TNFSF4: variants seen among roughly 807,000 people sequenced by gnomAD.
The protein encoded by TNFSF4 is TNF superfamily member 4, also known as tumor necrosis factor ligand superfamily member 4.
Under a neutral mutation model 7.3 loss-of-function variants are expected in TNFSF4, and 4 were observed. The observed-to-expected ratio is 0.55, with a 90% confidence interval of 0.27 to 1.25. The LOEUF is 1.25. Among genes scored for constraint, TNFSF4 ranks in the 50% most tolerant of loss-of-function variants. TNFSF4 has a pLI of 0.12. For synonymous variants in TNFSF4, 76 were observed against 83.7 expected (o/e 0.91, Z 0.50); for missense variants, 181 against 208.8 (o/e 0.87, Z 0.82).
At chr1:173,266,254 A>C in the TNFSF4 span, among the ~76,000 whole-genome samples, 1 of 152,184 alleles carries the variant, frequency 6.6e-6, no homozygotes, top group Admixed American at 6.5e-5. Flanking sequence ...TATCAAAGAG[A>C]GTAGAAACAG....
At chr1:173,267,431 A>T in the TNFSF4 span, among the ~76,000 whole-genome samples, 1 of 152,220 alleles carries the variant, frequency 6.6e-6, no homozygotes, top group Non-Finnish European at 1.5e-5. Context: ...CAATTTGCAT[A>T]CCAGTAGGTC....
At chr1:173,221,826 A>G in the TNFSF4 span, among the ~76,000 whole-genome samples, 5 of 152,224 alleles carry the variant, frequency 3.3e-5, no homozygotes, top group Admixed American at 2.6e-4. Context: ...TTTACACAGT[A>G]GCATAGAGGT....
the TNFSF4 span, among the ~76,000 whole-genome samples, chr1:173,175,951 GT>G: frequency 1.3e-5 from 2 of 151,824 alleles, no homozygotes; most frequent in East Asian, 1.9e-4. Flanking sequence ...GTTTTTTTGT[GT>G]TTTTTTTCCT....
the TNFSF4 span, among the ~76,000 whole-genome samples, chr1:173,442,545 G>GTTTTTTTTTTTT: frequency 8.6e-5 from 8 of 93,448 alleles, no homozygotes; most frequent in African/African-American, 1.1e-4. Context: ...TTTCGTTTTT[G>GTTTTTTTTTTTT]TTTTTGTTTT....
the TNFSF4 span, among the ~76,000 whole-genome samples, chr1:173,311,444 A>G: frequency 2.0e-5 from 3 of 152,014 alleles, no homozygotes; most frequent in African/African-American, 2.4e-5. Context: ...CCACTACCCT[A>G]GGGCTGTGAG....
chr1:173,376,192 C>A, the TNFSF4 span, among the ~76,000 whole-genome samples: 3 of 152,196 alleles, frequency 2.0e-5, no homozygotes, highest in Non-Finnish European at 4.4e-5. Flanking sequence ...GACTTGGAAC[C>A]AACCCAAATG....
the TNFSF4 span, among the ~76,000 whole-genome samples, chr1:173,348,344 T>G: frequency 4.2e-4 from 64 of 152,310 alleles, no homozygotes; most frequent in African/African-American, 1.4e-3. Flanking sequence ...TCTGCCACCA[T>G]GTGAGGCATG....
chr1:173,361,364 T>G, the TNFSF4 span, among the ~76,000 whole-genome samples: 1 of 151,896 alleles, frequency 6.6e-6, no homozygotes, highest in African/African-American at 2.4e-5. Flanking sequence ...ACCAACAACT[T>G]ATAGGTGGGA....
chr1:173,303,864 C>G, the TNFSF4 span, among the ~76,000 whole-genome samples: 1 of 151,788 alleles, frequency 6.6e-6, no homozygotes. Flanking sequence ...GATTCCAGGT[C>G]AATAATATAT....
the TNFSF4 span, among the ~76,000 whole-genome samples, chr1:173,359,510 T>TAAAAAAAAAAAAA: frequency 2.4e-5 from 3 of 122,742 alleles, no homozygotes; most frequent in South Asian, 2.6e-4. Flanking sequence ...TTACCAGCTG[T>TAAAAAAAAAAAAA]AAAAAAAAAA....
the TNFSF4 span, among the ~76,000 whole-genome samples, chr1:173,398,409 C>CTTTTTTT: frequency 2.6e-4 from 26 of 101,532 alleles, no homozygotes; most frequent in South Asian, 1.4e-3. Context: ...TATTTCTTTT[C>CTTTTTTT]TTTTTTTTTT....
Position 173,188,523 on chromosome 1 carries a change from G to C in TNFSF4, c.200C>G (p.Thr67Ser). The C allele has an allele frequency of 6.2e-7, 1 of 1,609,308 alleles. No homozygotes were observed. The highest frequency in any genetic ancestry group is 8.5e-7 in the Non-Finnish European group (1 of 1,176,008). ...PRIQSIKVQFTEYKKEKGFIL... is the reference protein window; with the variant it reads ...PRIQSIKVQFSEYKKEKGFIL... Reference sequence around the variant, plus strand: ...ATTAAACTTTTGACAATACTTACCGGTAAATTGTACTTTGATACTTTGAAT... The same window carrying C: ...ATTAAACTTTTGACAATACTTACCGCTAAATTGTACTTTGATACTTTGAAT... The change falls in exon 2 of 3, where the codon ACC (threonine) becomes AGC (serine). Residue 67 changes from threonine (T) to serine (S), a missense_variant and splice_region_variant. Coordinates refer to ENST00000281834, the MANE Select transcript of TNFSF4 (RefSeq NM_003326.5).
At chr1:173,220,459 T>C in the TNFSF4 span, among the ~76,000 whole-genome samples, 1 of 152,236 alleles carries the variant, frequency 6.6e-6, no homozygotes, top group Non-Finnish European at 1.5e-5. Flanking sequence ...ATATTCCTGT[T>C]GGAGAAAATA....
chr1:173,267,660 G>T, the TNFSF4 span, among the ~76,000 whole-genome samples: 1 of 152,152 alleles, frequency 6.6e-6, no homozygotes, highest in Non-Finnish European at 1.5e-5. Context: ...TCTCCTGGGA[G>T]ATTACAGTTA....
At chr1:173,391,778 T>C in the TNFSF4 span, among the ~76,000 whole-genome samples, 1 of 152,318 alleles carries the variant, frequency 6.6e-6, no homozygotes, top group Admixed American at 6.5e-5. Context: ...TAGCAATCAG[T>C]GGCCTGACAC....
chr1:173,315,876 G>C, the TNFSF4 span, among the ~76,000 whole-genome samples: 1 of 151,902 alleles, frequency 6.6e-6, no homozygotes, highest in South Asian at 2.1e-4. Context: ...TTTTTCCTTT[G>C]CTGTGCAGAA....
intron 2 of TNFSF4, among the ~76,000 whole-genome samples, chr1:173,187,261 C>T (rs1649268962): frequency 6.6e-6 from 1 of 152,170 alleles, no homozygotes; most frequent in South Asian, 2.1e-4. Flanking sequence ...TTCAGGGTTT[C>T]CCCAATTTTT....
chr1:173,337,812 G>C, the TNFSF4 span, among the ~76,000 whole-genome samples: 7 of 152,128 alleles, frequency 4.6e-5, no homozygotes, highest in Non-Finnish European at 5.9e-5. Context: ...TTAGAAAATT[G>C]GTGACAAGGA....
At chr1:173,252,722 T>G in the TNFSF4 span, among the ~76,000 whole-genome samples, 5 of 152,280 alleles carry the variant, frequency 3.3e-5, no homozygotes, top group East Asian at 9.7e-4. Flanking sequence ...AAGCAGCAAC[T>G]CAGACATCAG....
Sources: allele counts gnomAD v4.1 joint callset (sites outside exome capture counted in the v4.1 genomes callset), GRCh38; gene constraint gnomAD v4.1.1; transcripts MANE v1.5; gene names NCBI Gene and HGNC (gene_info 2026-07-23, HGNC 2026-07-21).